Variants in ATP6V0A4 observed in about 807,000 individuals in gnomAD.
ATP6V0A4 encodes the protein V-type proton ATPase 116 kDa subunit a 4.
A neutral mutation model predicts 107.3 loss-of-function variants in ATP6V0A4; 86 were observed. The observed-to-expected ratio is 0.80, with a 90% CI of 0.67 to 0.96. The LOEUF is 0.96. Among genes scored for constraint, ATP6V0A4 ranks in the 40% least tolerant of loss-of-function variants. The pLI, the probability that ATP6V0A4 is intolerant of heterozygous loss-of-function variation, is 0.00. For missense variants in ATP6V0A4, 908 were observed against 1,045.6 expected, an observed-to-expected ratio of 0.87 and a Z score of 1.81; for synonymous variants, 353 against 381.4, an observed-to-expected ratio of 0.93 and a Z score of 0.87.
intron 1 of ATP6V0A4, 53 bp downstream of exon 1, chr7:138,797,981 G>A (rs1228681741): frequency 6.5e-7 from 1 of 1,545,166 alleles, no homozygotes; most frequent in South Asian, 1.2e-5. Flanking sequence ...CCCAGCATAA[G>A]TTCACCTCTG....
chr7:138,776,508 T>C (rs1807663823), intron 2 of ATP6V0A4, among the ~76,000 whole-genome samples: 1 of 152,198 alleles, frequency 6.6e-6, no homozygotes, highest in Non-Finnish European at 1.5e-5. Flanking sequence ...TCTCCCTTCA[T>C]ATGAGCTCCA....
intron 16 of ATP6V0A4, 72 bp downstream of exon 16, chr7:138,734,064 C>G: frequency 6.6e-7 from 1 of 1,513,384 alleles, no homozygotes; most frequent in South Asian, 1.1e-5. Context: ...AGTTCCCAAA[C>G]CAGTGGCTCT....
chr7:138,776,976 C>T (rs1430987028), intron 2 of ATP6V0A4, among the ~76,000 whole-genome samples: 5 of 151,818 alleles, frequency 3.3e-5, no homozygotes, highest in African/African-American at 1.2e-4. Flanking sequence ...GGTGAAAACT[C>T]CCCTCTCCAC....
intron 2 of ATP6V0A4, among the ~76,000 whole-genome samples, chr7:138,778,330 C>T (rs1807764031): frequency 6.6e-6 from 1 of 151,762 alleles, no homozygotes; most frequent in Non-Finnish European, 1.5e-5. Flanking sequence ...CACTGCACTC[C>T]AGCCTGGGCA....
chr7:138,762,541 C>CA, intron 6 of ATP6V0A4, 107 bp from the exon 7 acceptor site: 1 of 1,542,462 alleles, frequency 6.5e-7, no homozygotes, highest in Non-Finnish European at 8.7e-7. Context: ...TAATTTTCCA[C>CA]AAAAAGTTAA....
At chr7:138,740,101 A>G (rs1391070757) in intron 14 of ATP6V0A4, among the ~76,000 whole-genome samples, 1 of 150,596 alleles carries the variant, frequency 6.6e-6, no homozygotes, top group South Asian at 2.1e-4. Flanking sequence ...TTGAAAGGAA[A>G]AAAAAAAAAA....
intron 8 of ATP6V0A4, among the ~76,000 whole-genome samples, chr7:138,757,236 C>A (rs145461229): frequency 6.6e-6 from 1 of 152,188 alleles, no homozygotes; most frequent in African/African-American, 2.4e-5. Context: ...AAAACCCAGA[C>A]CGGGTGCAGT....
intron 16 of ATP6V0A4, 130 bp from the exon 17 acceptor site, chr7:138,733,223 G>T (rs536404302): frequency 1.5e-4 from 217 of 1,459,998 alleles, no homozygotes; most frequent in Non-Finnish European, 1.9e-4. Flanking sequence ...GCAAACAACG[G>T]CACCCCCCAC....
At chr7:138,735,491 C>A (rs1584910595) in intron 15 of ATP6V0A4, among the ~76,000 whole-genome samples, 1 of 151,788 alleles carries the variant, frequency 6.6e-6, no homozygotes, top group Non-Finnish European at 1.5e-5. Flanking sequence ...CTCCCTCCAT[C>A]ACACACACAC....
rs565435569 is a variant in ATP6V0A4 at position 138,736,444 on chromosome 7, T to C, written c.1573-2190A>G. 1.2e-4 allele frequency among the ~76,000 whole-genome samples: 19 copies of C among 152,228 alleles called. No homozygotes were observed. The East Asian group carries it at 3.3e-3, about 26-fold the overall frequency. ...CTTACATACCTAGGAAGAAATAACA[T>C]AAGAGGAACTAATATTCAAGGAGCA... On this transcript the variant is annotated intron_variant, in intron 15 of 21. Coordinates refer to ENST00000310018, the MANE Select transcript of ATP6V0A4 (RefSeq NM_020632.3).
chr7:138,716,506 A>G (rs1220910381), intron 19 of ATP6V0A4, among the ~76,000 whole-genome samples: 1 of 151,462 alleles, frequency 6.6e-6, no homozygotes, highest in East Asian at 1.9e-4. Flanking sequence ...GAAGTAAATA[A>G]CAGAACGAAG....
chr7:138,748,957 G>A (rs985955640), intron 12 of ATP6V0A4, among the ~76,000 whole-genome samples: 14 of 152,122 alleles, frequency 9.2e-5, no homozygotes, highest in African/African-American at 2.7e-4. Context: ...ATTTATAGAC[G>A]ACACCACAGG....
intron 8 of ATP6V0A4, among the ~76,000 whole-genome samples, chr7:138,757,345 A>G (rs1162731220): frequency 1.3e-5 from 2 of 152,088 alleles, no homozygotes; most frequent in South Asian, 2.1e-4. Flanking sequence ...GTAAAACCCC[A>G]TCTCTACAAA....
At chr7:138,713,141 T>TAA (rs771014044) in intron 20 of ATP6V0A4, among the ~76,000 whole-genome samples, 7 of 141,174 alleles carry the variant, frequency 5.0e-5, no homozygotes, top group Non-Finnish European at 7.7e-5. Context: ...ATACAAAAAT[T>TAA]AAAAAAAAAA....
chr7:138,763,139 T>C, intron 5 of ATP6V0A4, 114 bp from the exon 6 acceptor site: 1 of 1,477,652 alleles, frequency 6.8e-7, no homozygotes, highest in Admixed American at 2.0e-5. Context: ...CATAACATGA[T>C]TGCAGACCCT....
chr7:138,727,153 G>T (rs953083736), intron 18 of ATP6V0A4, among the ~76,000 whole-genome samples: 13 of 151,610 alleles, frequency 8.6e-5, no homozygotes, highest in African/African-American at 1.7e-4. Flanking sequence ...AGCCAGGCAG[G>T]GGGGCATGCC....
intron 10 of ATP6V0A4, among the ~76,000 whole-genome samples, chr7:138,754,150 T>C (rs1227440958): frequency 6.6e-6 from 1 of 152,014 alleles, no homozygotes. Flanking sequence ...ATGGAGAGGA[T>C]TAAAAAATTA....
intron 14 of ATP6V0A4, among the ~76,000 whole-genome samples, chr7:138,744,363 T>C (rs142075244): frequency 9.0e-4 from 136 of 150,664 alleles, no homozygotes; most frequent in African/African-American, 3.1e-3. Context: ...TTGGCCTCCT[T>C]AGTAGCTGGG....
Position 138,749,168 on chromosome 7 carries a change from T to C in ATP6V0A4, c.1179A>G (p.Pro393=). ...TCGTGCAGTTCATCAGATCTTTACC[T>C]GGGTTTATCTCCCGGTAGCTGCCGA... ...YGVGSYREIN[P]APYTIITFPF... is the part of the protein sequence containing the mutation. Residue 393 remains proline (P), a splice_region_variant and synonymous_variant, in exon 12 of 22, where the codon CCA becomes CCG. Transcript: ENST00000310018. The C allele has an allele frequency of 6.2e-7, 1 of 1,614,072 alleles. No individual in the cohort carries two copies. The highest frequency in any genetic ancestry group is 8.5e-7 in the Non-Finnish European group (1 of 1,180,012).
Sources: allele counts gnomAD v4.1 joint callset (sites outside exome capture counted in the v4.1 genomes callset), GRCh38; gene constraint gnomAD v4.1.1; transcripts MANE v1.5; gene names NCBI Gene and HGNC (gene_info 2026-07-23, HGNC 2026-07-21).